ASTN2: variants seen among roughly 807,000 people sequenced by gnomAD.
ASTN2 encodes astrotactin-2.
A neutral mutation model predicts 139.8 loss-of-function variants in ASTN2; 54 were observed. The observed-to-expected ratio is 0.39, with a 90% CI of 0.31 to 0.48. The LOEUF is 0.48. Ranked by LOEUF, ASTN2 falls within the 20% of genes least tolerant of loss-of-function variation. The probability of loss-of-function intolerance (pLI) is 0.95; values close to 1 mark genes in which losing one functional copy is unlikely to be tolerated. For synonymous variants in ASTN2, 756 were observed against 719.5 expected (o/e 1.05, Z -0.81); for missense variants, 1,565 against 1,725.1 (o/e 0.91, Z 1.64).
chr9:117,219,645 T>G (rs1253294980), intron 2 of ASTN2, among the ~76,000 whole-genome samples: 1 of 152,238 alleles, frequency 6.6e-6, no homozygotes, highest in Non-Finnish European at 1.5e-5. Context: ...TCTGTGAGGT[T>G]GTAAGCTGGA....
intron 13 of ASTN2, among the ~76,000 whole-genome samples, chr9:116,803,511 TATATATA>T (rs1830941038): frequency 2.5e-4 from 2 of 8,046 alleles, no homozygotes; most frequent in Non-Finnish European, 4.1e-4. Context: ...TATATATATA[TATATATA>T]TATATTTTTT....
At chr9:116,969,567 A>C (rs1387072613) in intron 10 of ASTN2, among the ~76,000 whole-genome samples, 1 of 152,128 alleles carries the variant, frequency 6.6e-6, no homozygotes, top group Admixed American at 6.5e-5. Flanking sequence ...AACAGAGTGC[A>C]CCAGAGAAAC....
At chr9:116,834,166 C>T (rs561525667) in intron 11 of ASTN2, among the ~76,000 whole-genome samples, 18 of 152,336 alleles carry the variant, frequency 1.2e-4, no homozygotes, top group African/African-American at 3.4e-4. Flanking sequence ...ACACTCCATA[C>T]AATTTGAATC....
chr9:117,317,977 C>G (rs753146794), intron 1 of ASTN2, among the ~76,000 whole-genome samples: 3 of 152,208 alleles, frequency 2.0e-5, no homozygotes, highest in Non-Finnish European at 2.9e-5. Flanking sequence ...GCAAGGGTAT[C>G]AGATCCAAGA....
At chr9:116,766,924 T>C (rs1196049091) in intron 13 of ASTN2, among the ~76,000 whole-genome samples, 1 of 150,828 alleles carries the variant, frequency 6.6e-6, no homozygotes, top group Non-Finnish European at 1.5e-5. Flanking sequence ...TACTTACACA[T>C]AAACACACAC....
intron 22 of ASTN2, among the ~76,000 whole-genome samples, chr9:116,426,821 T>C (rs926520829): frequency 5.9e-5 from 9 of 152,144 alleles, no homozygotes; most frequent in African/African-American, 2.2e-4. Context: ...AAAAAAGTGA[T>C]GATGGTCTTA....
intron 16 of ASTN2, among the ~76,000 whole-genome samples, chr9:116,672,851 T>G (rs146845119): frequency 6.6e-6 from 1 of 152,248 alleles, no homozygotes; most frequent in East Asian, 1.9e-4. Flanking sequence ...CCTCACTTTT[T>G]CTAGATAATG....
intron 19 of ASTN2, among the ~76,000 whole-genome samples, chr9:116,580,326 G>C (rs2131709508): frequency 6.6e-6 from 1 of 152,258 alleles, no homozygotes; most frequent in East Asian, 1.9e-4. Context: ...CTCTAATAGA[G>C]GGGCAAGAGG....
intron 4 of ASTN2, among the ~76,000 whole-genome samples, chr9:117,117,065 C>T (rs1047383491): frequency 3.3e-5 from 5 of 152,062 alleles, no homozygotes; most frequent in South Asian, 2.1e-4. Flanking sequence ...AATATGAATG[C>T]TTAAGCATGG....
At chr9:117,106,042 C>A (rs1421666272) in intron 4 of ASTN2, among the ~76,000 whole-genome samples, 1 of 152,054 alleles carries the variant, frequency 6.6e-6, no homozygotes, top group Non-Finnish European at 1.5e-5. Flanking sequence ...AGTAAGGGGG[C>A]AGATTTGAGT....
intron 17 of ASTN2, among the ~76,000 whole-genome samples, chr9:116,632,926 T>C (rs376028195): frequency 6.6e-6 from 1 of 152,248 alleles, no homozygotes. Context: ...GCACAAGGCA[T>C]GACCCAAAGT....
intron 5 of ASTN2, among the ~76,000 whole-genome samples, chr9:117,080,753 A>G (rs1450563012): frequency 6.6e-6 from 1 of 152,188 alleles, no homozygotes; most frequent in African/African-American, 2.4e-5. Flanking sequence ...TGAGCTTAGG[A>G]ATCAGTGGTC....
chr9:116,947,106 T>C (rs188748712), intron 10 of ASTN2, among the ~76,000 whole-genome samples: 20 of 152,254 alleles, frequency 1.3e-4, no homozygotes, highest in Admixed American at 9.8e-4. Context: ...TTCTACCTGA[T>C]GTGTATTTTG....
intron 22 of ASTN2, among the ~76,000 whole-genome samples, chr9:116,433,373 C>T (rs1847555479): frequency 6.6e-6 from 1 of 152,094 alleles, no homozygotes; most frequent in South Asian, 2.1e-4. Flanking sequence ...GATGAAAGAG[C>T]TGTGGTTGTA....
intron 1 of ASTN2, among the ~76,000 whole-genome samples, chr9:117,361,582 T>C (rs948954493): frequency 2.6e-5 from 4 of 152,142 alleles, no homozygotes; most frequent in Non-Finnish European, 5.9e-5. Flanking sequence ...TAAACCAGAA[T>C]GAGGGCTCTG....
intron 16 of ASTN2, 141 bp downstream of exon 16, chr9:116,725,630 G>C (rs1828598764): frequency 2.6e-6 from 2 of 781,998 alleles, no homozygotes; most frequent in Admixed American, 4.9e-5. Flanking sequence ...AGCTCAGAGA[G>C]AGGCAGGGAC....
intron 16 of ASTN2, among the ~76,000 whole-genome samples, chr9:116,702,502 C>G (rs1432123326): frequency 1.3e-5 from 2 of 152,126 alleles, no homozygotes; most frequent in East Asian, 3.8e-4. Context: ...TTGCAATTAT[C>G]TGTCCATATA....
intron 10 of ASTN2, among the ~76,000 whole-genome samples, chr9:116,884,486 C>G (rs1312548760): frequency 1.3e-5 from 2 of 152,114 alleles, no homozygotes; most frequent in African/African-American, 4.8e-5. Flanking sequence ...TTCACATGGT[C>G]TTTCCTCTGT....
At chr9:116,529,613 C>T (rs924620986) in intron 19 of ASTN2, among the ~76,000 whole-genome samples, 8 of 152,024 alleles carry the variant, frequency 5.3e-5, no homozygotes, top group Non-Finnish European at 1.0e-4. Flanking sequence ...TATGGTTTTG[C>T]TGTATCCCCA....
Sources: allele counts gnomAD v4.1 joint callset (sites outside exome capture counted in the v4.1 genomes callset), GRCh38; gene constraint gnomAD v4.1.1; transcripts MANE v1.5; gene names NCBI Gene and HGNC (gene_info 2026-07-23, HGNC 2026-07-21).